Variants in DCC observed in about 807,000 individuals in gnomAD.
The protein encoded by DCC is netrin receptor DCC.
In DCC, 58 loss-of-function variants were observed where a neutral mutation model predicts 172.5. The ratio of observed to expected loss-of-function variants is 0.34; its 90% CI spans 0.27 to 0.42. DCC has a LOEUF of 0.42. Among genes scored for constraint, DCC ranks in the 10% least tolerant of loss-of-function variants. DCC has a pLI of 1.00. For synonymous variants in DCC, 709 were observed against 644.5 expected (o/e 1.10, Z -1.52); for missense variants, 1,740 against 1,791.0 (o/e 0.97, Z 0.51).
Position 53,459,499 on chromosome 18 carries a change from C to G in DCC, c.3619+41C>G, listed in dbSNP as rs368878024. 22 of 1,347,394 alleles carry G rather than the reference C, an allele frequency of 1.6e-5. No individual in the cohort carries two copies. The African/African-American group carries it at 3.0e-4, about 18-fold the overall frequency. The allele number at this position is 1,347,394 out of a possible 1,614,324, so 83.5% of individuals were successfully genotyped here. A position where few individuals can be genotyped will look rare whatever the true frequency, so the allele number is the denominator to read the frequency against. On this transcript the variant is annotated intron_variant, in intron 24 of 28. Transcript: ENST00000442544. The stretch of plus-strand genomic sequence containing the variant: ...CTGGCATTAGGGAAAACATACCATT[C>G]TGAACCCAAGGGAGTTTTTCACTCC...
At chr18:52,934,094 T>G (rs1310441176) in intron 5 of DCC, among the ~76,000 whole-genome samples, 2 of 152,110 alleles carry the variant, frequency 1.3e-5, no homozygotes, top group African/African-American at 4.8e-5. Context: ...TAAAATATTC[T>G]ATGTACTTTT....
intron 26 of DCC, among the ~76,000 whole-genome samples, chr18:53,495,635 G>T (rs2046013159): frequency 6.6e-6 from 1 of 151,976 alleles, no homozygotes; most frequent in Admixed American, 6.6e-5. Flanking sequence ...GTATCTTTAT[G>T]GTGTTCTCTG....
chr18:52,920,207 A>C (rs1018428262), intron 3 of DCC, among the ~76,000 whole-genome samples: 1 of 152,056 alleles, frequency 6.6e-6, no homozygotes, highest in African/African-American at 2.4e-5. Flanking sequence ...GGAGAAGTTG[A>C]TAAGTTGGAC....
At chr18:52,699,657 TG>T (rs1272314011) in intron 1 of DCC, among the ~76,000 whole-genome samples, 1 of 152,186 alleles carries the variant, frequency 6.6e-6, no homozygotes, top group Non-Finnish European at 1.5e-5. Flanking sequence ...TTGCATTTGG[TG>T]GTAAGAAAGG....
intron 1 of DCC, among the ~76,000 whole-genome samples, chr18:52,416,069 T>C (rs575598904): frequency 6.6e-6 from 1 of 152,174 alleles, no homozygotes; most frequent in Admixed American, 6.5e-5. Context: ...TCTGGTATGT[T>C]GTGTCTTTGT....
intron 12 of DCC, among the ~76,000 whole-genome samples, chr18:53,220,287 G>T (rs979046690): frequency 3.3e-5 from 5 of 152,070 alleles, no homozygotes; most frequent in Non-Finnish European, 7.4e-5. Flanking sequence ...CCTCCCTGCT[G>T]CGTGACAATC....
chr18:53,495,823 TC>T (rs1475526430), intron 26 of DCC, among the ~76,000 whole-genome samples: 1 of 152,182 alleles, frequency 6.6e-6, no homozygotes, highest in Non-Finnish European at 1.5e-5. Context: ...TTCTTTTCAC[TC>T]TTTTTGCTCT....
intron 1 of DCC, among the ~76,000 whole-genome samples, chr18:52,436,387 G>C (rs975126014): frequency 1.1e-4 from 17 of 152,086 alleles, no homozygotes; most frequent in Non-Finnish European, 1.2e-4. Context: ...GGAACAAAAG[G>C]GCCCTTTATG....
chr18:52,837,476 G>A (rs2038726627), intron 2 of DCC, among the ~76,000 whole-genome samples: 1 of 152,138 alleles, frequency 6.6e-6, no homozygotes, highest in South Asian at 2.1e-4. Context: ...CAGATCTCTA[G>A]GGCAGGGACA....
chr18:52,815,068 C>CT (rs2038268349), intron 2 of DCC, among the ~76,000 whole-genome samples: 1 of 152,044 alleles, frequency 6.6e-6, no homozygotes, highest in African/African-American at 2.4e-5. Context: ...ACGGGGTGGG[C>CT]TGGGGGTATC....
intron 1 of DCC, among the ~76,000 whole-genome samples, chr18:52,418,778 T>A (rs1293638090): frequency 1.3e-5 from 2 of 152,028 alleles, no homozygotes; most frequent in Admixed American, 6.6e-5. Flanking sequence ...ATGACGACAA[T>A]GTTGTATGTA....
chr18:53,313,298 TGCA>T (rs1194384921), intron 13 of DCC, among the ~76,000 whole-genome samples: 4 of 152,114 alleles, frequency 2.6e-5, no homozygotes, highest in Non-Finnish European at 4.4e-5. Flanking sequence ...CAGGGTTGAG[TGCA>T]GCGGCACGAT....
chr18:53,020,544 C>A (rs1282248538), intron 5 of DCC, among the ~76,000 whole-genome samples: 3 of 152,110 alleles, frequency 2.0e-5, no homozygotes, highest in Non-Finnish European at 2.9e-5. Flanking sequence ...ACTGTATTTC[C>A]TAACAATGTG....
At chr18:53,528,132 A>G (rs2046479992) in intron 28 of DCC, among the ~76,000 whole-genome samples, 1 of 152,166 alleles carries the variant, frequency 6.6e-6, no homozygotes, top group African/African-American at 2.4e-5. Context: ...TATAAAAATT[A>G]TACTTTCTTT....
chr18:53,511,768 C>T (rs921063882), intron 27 of DCC, among the ~76,000 whole-genome samples: 3 of 152,202 alleles, frequency 2.0e-5, no homozygotes, highest in Admixed American at 6.5e-5. Flanking sequence ...TAAAAAACGG[C>T]GCATCATGAG....
At chr18:52,802,862 A>G (rs1217848988) in intron 2 of DCC, among the ~76,000 whole-genome samples, 1 of 151,390 alleles carries the variant, frequency 6.6e-6, no homozygotes, top group East Asian at 1.9e-4. Context: ...GCTAATAACT[A>G]GCATAAACAG....
chr18:52,977,374 C>A (rs1175347065), intron 5 of DCC, among the ~76,000 whole-genome samples: 3 of 152,066 alleles, frequency 2.0e-5, no homozygotes, highest in East Asian at 1.9e-4. Context: ...ACATGTCCTG[C>A]CCATGAGGAC....
intron 1 of DCC, among the ~76,000 whole-genome samples, chr18:52,528,182 A>G (rs559943499): frequency 6.6e-6 from 1 of 152,350 alleles, no homozygotes; most frequent in Admixed American, 6.5e-5. Context: ...AAACAAAACA[A>G]AAACAACTTT....
chr18:52,390,077 G>A (rs933815414), intron 1 of DCC, among the ~76,000 whole-genome samples: 1 of 151,222 alleles, frequency 6.6e-6, no homozygotes, highest in African/African-American at 2.4e-5. Context: ...CTTCCCTAAG[G>A]TTTCTATGCT....
Sources: allele counts gnomAD v4.1 joint callset (sites outside exome capture counted in the v4.1 genomes callset), GRCh38; gene constraint gnomAD v4.1.1; transcripts MANE v1.5; gene names NCBI Gene and HGNC (gene_info 2026-07-23, HGNC 2026-07-21).